The following CFAP74 variants were observed in gnomAD, a reference collection of about 807,000 sequenced individuals.
The protein encoded by CFAP74 is cilia- and flagella-associated protein 74.
Under a neutral mutation model 188.9 loss-of-function variants are expected in CFAP74, and 124 were observed. That is an observed-to-expected ratio of 0.66 (90% CI 0.57 to 0.76). CFAP74 has a LOEUF of 0.76. Ranked by LOEUF, CFAP74 falls within the 30% of genes least tolerant of loss-of-function variation. CFAP74 has a pLI of 0.00. For synonymous variants in CFAP74, 956 were observed against 916.7 expected (o/e 1.04, Z -0.77); for missense variants, 2,198 against 2,165.2 (o/e 1.02, Z -0.30).
chr1:1,966,570 G>C, intron 11 of CFAP74, 44 bp from the exon 12 acceptor site: 1 of 1,434,020 alleles, frequency 7.0e-7, no homozygotes, highest in Non-Finnish European at 9.2e-7. Context: ...GCTCATGACA[G>C]AGAACAGGGA....
At chr1:1,955,008 T>C in intron 18 of CFAP74, 3 of 1,120,500 alleles carry the variant, frequency 2.7e-6, no homozygotes, top group South Asian at 3.0e-5. Context: ...CGCCACGCAG[T>C]GGTGAGGACA....
chr1:1,995,121 G>C (rs1347949832), intron 1 of CFAP74, among the ~76,000 whole-genome samples: 1 of 152,202 alleles, frequency 6.6e-6, no homozygotes, highest in Non-Finnish European at 1.5e-5. Flanking sequence ...TTCCACTGTG[G>C]TGACATGGCT....
chr1:1,940,492 C>G, intron 22 of CFAP74, 89 bp from the exon 23 acceptor site: 2 of 880,996 alleles, frequency 2.3e-6, no homozygotes, highest in Non-Finnish European at 3.4e-6. Context: ...CTTCTACATC[C>G]CGTGAGAGCT....
chr1:1,994,781 C>T (rs550012361), intron 1 of CFAP74, among the ~76,000 whole-genome samples: 52 of 152,308 alleles, frequency 3.4e-4, no homozygotes, highest in African/African-American at 1.2e-3. Flanking sequence ...TTAAAGACGG[C>T]ACTTCCAACA....
chr1:1,935,227 C>T (rs1319142966), intron 25 of CFAP74, among the ~76,000 whole-genome samples: 3 of 81,350 alleles, frequency 3.7e-5, no homozygotes, highest in Non-Finnish European at 5.0e-5. Context: ...TAGGTACACA[C>T]GTGTGTACGT....
rs367719096 is a variant in CFAP74 at position 1,922,296 on chromosome 1, A to T, written c.4911T>A (p.Thr1637=). 1.2e-5 allele frequency: 19 copies of T among 1,608,440 alleles called. No individual in the cohort carries two copies. In the African/African-American group the frequency reaches 2.3e-4, roughly 19 times the overall value. ...YKVIFVAQVL[T]GP Reference sequence around the variant, plus strand: ...TGCTCTGTGCAGAGGCTTAGGGGCCAGTCAACACCTGGGCTACAAAGATGA... The same window carrying T: ...TGCTCTGTGCAGAGGCTTAGGGGCCTGTCAACACCTGGGCTACAAAGATGA... The change falls in exon 39 of 39, where the codon ACT becomes ACA. Residue 1637 remains threonine, a synonymous_variant. Transcript: ENST00000682832.
chr1:1,947,801 C>T (rs1653872578), intron 18 of CFAP74, among the ~76,000 whole-genome samples: 1 of 152,204 alleles, frequency 6.6e-6, no homozygotes, highest in South Asian at 2.1e-4. Context: ...TCTTCAGGAG[C>T]CAGGTGGCGA....
chr1:2,000,142 C>T (rs1372153434), intron 1 of CFAP74, among the ~76,000 whole-genome samples: 2 of 151,932 alleles, frequency 1.3e-5, no homozygotes, highest in Non-Finnish European at 1.5e-5. Flanking sequence ...CCAGCCTGGG[C>T]GACAGAGCGA....
At chr1:1,940,857 A>C (rs1233101839) in intron 22 of CFAP74, among the ~76,000 whole-genome samples, 2 of 152,254 alleles carry the variant, frequency 1.3e-5, no homozygotes, top group Non-Finnish European at 2.9e-5. Flanking sequence ...TCACGCCTGT[A>C]ATCCCAGCAC....
At position 1,940,369 on chromosome 1, in the gene CFAP74, C is replaced by A; in HGVS notation, c.2650G>T (p.Asp884Tyr). The A allele has an allele frequency of 1.3e-6, 2 of 1,535,406 alleles. No homozygotes were observed. Among genetic ancestry groups the A allele is most frequent in the South Asian group, 1.2e-5 (1 of 84,000 alleles). ...GCCTCCAGGACTCGGGTCTCCTTGT[C>A]AAAATACCTCCCTGCGTCCTCCGGG... The part of the protein sequence containing the change: ...SLPEDAGRYF[D>Y]KETRVLEAPM... Residue 884 changes from aspartate to tyrosine, a missense_variant, in exon 23 of 39, where the codon GAC becomes TAC. By Grantham distance (160) the Asp-to-Tyr change is radical. Coordinates refer to ENST00000682832, the MANE Select transcript of CFAP74 (RefSeq NM_001304360.2).
At chr1:1,966,321 C>T in intron 12 of CFAP74, 50 bp downstream of exon 12, 2 of 1,424,906 alleles carry the variant, frequency 1.4e-6, no homozygotes, top group Non-Finnish European at 1.9e-6. Context: ...GAGCCGGCGA[C>T]AGAGGGCCGG....
At chr1:1,925,403 C>G (rs1319259465) in intron 33 of CFAP74, among the ~76,000 whole-genome samples, 1 of 151,898 alleles carries the variant, frequency 6.6e-6, no homozygotes, top group African/African-American at 2.4e-5. Flanking sequence ...GTGCGGCTCA[C>G]TGCAGAGGGC....
chr1:2,002,743 C>G (rs1489404342), intron 1 of CFAP74, among the ~76,000 whole-genome samples: 4 of 149,622 alleles, frequency 2.7e-5, no homozygotes, highest in Non-Finnish European at 5.9e-5. Context: ...TTACATAAAA[C>G]TATATGTGGC....
chr1:1,943,939 G>A (rs916205543), intron 21 of CFAP74, among the ~76,000 whole-genome samples: 1 of 152,178 alleles, frequency 6.6e-6, no homozygotes, highest in African/African-American at 2.4e-5. Flanking sequence ...CCTCCATCTT[G>A]GAAGCCGACA....
chr1:1,985,573 C>G (rs759368529), intron 5 of CFAP74, 83 bp from the exon 6 acceptor site: 19 of 1,075,148 alleles, frequency 1.8e-5, no homozygotes, highest in Non-Finnish European at 2.7e-5. Context: ...CACTCCCTGG[C>G]CTCCTCTCGC....
intron 11 of CFAP74, among the ~76,000 whole-genome samples, chr1:1,967,423 G>C (rs1212815856): frequency 4.0e-5 from 6 of 150,334 alleles, no homozygotes; most frequent in Non-Finnish European, 8.9e-5. Flanking sequence ...GAAAATCGCA[G>C]GGAGCAGCTC....
At chr1:1,971,278 C>T (rs1325541906) in intron 9 of CFAP74, among the ~76,000 whole-genome samples, 5 of 126,158 alleles carry the variant, frequency 4.0e-5, no homozygotes, top group African/African-American at 5.4e-5. Context: ...TGCAAACCTG[C>T]ACACACGTGC....
intron 18 of CFAP74, among the ~76,000 whole-genome samples, chr1:1,948,836 T>C (rs1023413576): frequency 2.6e-5 from 4 of 152,168 alleles, no homozygotes; most frequent in Non-Finnish European, 5.9e-5. Context: ...ATTTGATGCC[T>C]GATAATACCC....
At chr1:1,925,684 C>T in intron 33 of CFAP74, 99 bp downstream of exon 33, 1 of 1,379,044 alleles carries the variant, frequency 7.3e-7, no homozygotes, top group Non-Finnish European at 9.8e-7. Context: ...CACGGGCTCT[C>T]CGACCCACGG....
Sources: allele counts gnomAD v4.1 joint callset (sites outside exome capture counted in the v4.1 genomes callset), GRCh38; gene constraint gnomAD v4.1.1; transcripts MANE v1.5; gene names NCBI Gene and HGNC (gene_info 2026-07-23, HGNC 2026-07-21).